Variants in ZNF276 observed in about 807,000 individuals in gnomAD.
ZNF276 encodes the protein centromere protein Z.
ZNF276 carries 59 observed loss-of-function variants against 63.9 expected under a neutral mutation model. The ratio of observed to expected loss-of-function variants is 0.92; its 90% confidence interval spans 0.75 to 1.15. ZNF276 has a LOEUF of 1.15. ZNF276 is among the 50% of genes most tolerant of loss of function. The pLI is 0.00. For synonymous variants in ZNF276, 496 were observed against 348.4 expected (o/e 1.42, Z -4.72); for missense variants, 1,084 against 843.8 (o/e 1.28, Z -3.53).
intron 6 of ZNF276, among the ~76,000 whole-genome samples, chr16:89,730,299 G>A (rs1003422343): frequency 1.3e-5 from 2 of 152,140 alleles, no homozygotes; most frequent in South Asian, 4.1e-4. Flanking sequence ...GTCATGGCTG[G>A]GAGTGCCGCC....
chr16:89,739,418 G>C lies in ZNF276; in HGVS notation c.*1172G>C. ...TTCCCATCTGGCGGGACCCAGAGGT[G>C]CTGAGATGGGGGTCTGGGAAACACT... On this transcript the variant is annotated 3_prime_UTR_variant, in exon 11 of 11. Transcript: ENST00000443381. 1 of 1,553,694 alleles carries C rather than the reference G, an allele frequency of 6.4e-7. No individual in the cohort carries two copies. Among genetic ancestry groups the C allele is most frequent in the Non-Finnish European group, 8.7e-7 (1 of 1,145,546 alleles).
rs768765651 is a variant in ZNF276, at chr16:89,739,098, G to GCTCCCCTGGAGGTGGGAC, written c.*853_*870dup. The GCTCCCCTGGAGGTGGGAC allele has an allele frequency of 1.2e-6, 2 of 1,613,860 alleles. No individual in the cohort carries two copies. The highest frequency in any genetic ancestry group is 1.7e-6 in the Non-Finnish European group (2 of 1,179,866). On this transcript the variant is annotated 3_prime_UTR_variant, in exon 11 of 11. Transcript: ENST00000443381. ...CAGAAGGAGCCTCCGGCTGGGGGGAGCTCCCCTGGAGGTGGGACTGGCCCT... is the reference window on the plus strand; with the variant it reads ...CAGAAGGAGCCTCCGGCTGGGGGGAGCTCCCCTGGAGGTGGGACCTCCCCTGGAGGTGGGACTGGCCCT...
chr16:89,739,038 C>T lies in ZNF276; in HGVS notation c.*792C>T. ...TACAGAAACAGGGCTGGTGTGTCCC[C>T]CATAGTCTGCATGCTGTGCCGGAAC... On this transcript the variant is annotated 3_prime_UTR_variant, in exon 11 of 11. Coordinates refer to ENST00000443381, the MANE Select transcript of ZNF276 (RefSeq NM_001113525.2). 6.2e-7 allele frequency: 1 copy of T among 1,614,034 alleles called. No homozygotes were observed. Among genetic ancestry groups the T allele is most frequent in the Non-Finnish European group, 8.5e-7 (1 of 1,179,940 alleles).
In ZNF276 at chr16:89,739,704, A is replaced by C; in HGVS notation, c.*1458A>C. On this transcript the variant is annotated 3_prime_UTR_variant, in exon 11 of 11. Coordinates refer to ENST00000443381, the MANE Select transcript of ZNF276 (RefSeq NM_001113525.2). ...CAGCCTGAGCTGAGGATACCCAGGT[A>C]CCTGTCAGCAGCTGGGAGAGGATGG... 1 of 1,500,994 alleles carries C rather than the reference A, an allele frequency of 6.7e-7. No homozygotes were observed. Among genetic ancestry groups the C allele is most frequent in the African/African-American group, 1.4e-5 (1 of 72,330 alleles). 93.0% of individuals were successfully genotyped at this position (1,500,994 alleles called of 1,614,324 possible).
rs538139633 is a variant in ZNF276, at chr16:89,739,031, G to A, written c.*785G>A. On this transcript the variant is annotated 3_prime_UTR_variant, in exon 11 of 11. Transcript: ENST00000443381. Reference sequence around the variant, plus strand: ...GAAGACATACAGAAACAGGGCTGGTGTGTCCCCCATAGTCTGCATGCTGTG... The same window carrying A: ...GAAGACATACAGAAACAGGGCTGGTATGTCCCCCATAGTCTGCATGCTGTG... 2 of 1,614,108 alleles carry A rather than the reference G, an allele frequency of 1.2e-6. No homozygotes were observed. The highest frequency in any genetic ancestry group is 4.5e-5 in the East Asian group (2 of 44,886).
chr16:89,734,085 C>G, intron 9 of ZNF276, 47 bp downstream of exon 9: 2 of 1,567,562 alleles, frequency 1.3e-6, no homozygotes, highest in Non-Finnish European at 8.8e-7. Context: ...GCCAGGGGCA[C>G]GTGACCTGCT....
chr16:89,733,765 A>C (rs568907278), intron 8 of ZNF276, among the ~76,000 whole-genome samples, 156 bp from the exon 9 acceptor site: 1 of 152,100 alleles, frequency 6.6e-6, no homozygotes, highest in African/African-American at 2.4e-5. Context: ...CGGGGGGTCT[A>C]GAAGTTTCTT....
chr16:89,733,523 G>C lies in ZNF276; in HGVS notation c.1322G>C (p.Cys441Ser), dbSNP rs1214923743. Reference protein sequence around the residue: ...PTIYKCPYQGCTAVYRGADGM... With the variant: ...PTIYKCPYQGSTAVYRGADGM... Reference sequence around the variant, plus strand: ...ATCTACAAGTGTCCTTACCAGGGCTGCACGGCCGTGTACCGAGGCGCTGAC... The same window carrying C: ...ATCTACAAGTGTCCTTACCAGGGCTCCACGGCCGTGTACCGAGGCGCTGAC... The change falls in exon 8 of 11, where the codon TGC becomes TCC. Residue 441 changes from cysteine (C) to serine (S), a missense_variant. Cys to Ser is a moderately radical substitution (Grantham distance 112, BLOSUM62 -1). Transcript: ENST00000443381. 6.2e-7 allele frequency: 1 copy of C among 1,614,156 alleles called. No homozygotes were observed. Among genetic ancestry groups the C allele is most frequent in the Non-Finnish European group, 8.5e-7 (1 of 1,180,038 alleles).
intron 6 of ZNF276, chr16:89,732,537 C>A (rs1459333621): frequency 6.3e-6 from 1 of 157,752 alleles, no homozygotes; most frequent in Non-Finnish European, 1.4e-5. Context: ...CCTGTTCTGC[C>A]GTCCTGATAC....
intron 4 of ZNF276, among the ~76,000 whole-genome samples, chr16:89,724,864 C>T (rs77771970): frequency 0.027 from 4,133 of 152,290 alleles, 203 homozygotes; most frequent in African/African-American, 0.094. Flanking sequence ...TTGTCTCTCT[C>T]TATCTACCTA....
In ZNF276 at chr16:89,721,819, CG is replaced by C. The variant is rs1189208727; in HGVS notation, c.182del (p.Gly61AlafsTer128). The C allele has an allele frequency of 8.2e-7, 1 of 1,225,678 alleles. No individual in the cohort carries two copies. The highest frequency in any genetic ancestry group is 1.0e-6 in the Non-Finnish European group (1 of 984,530). The allele number at this position is 1,225,678 out of a possible 1,614,324, so 75.9% of individuals were successfully genotyped here. On this transcript the variant is annotated frameshift_variant, in exon 1 of 11. Coordinates refer to ENST00000443381, the MANE Select transcript of ZNF276 (RefSeq NM_001113525.2). LOFTEE classifies it high-confidence loss of function. ...AWGPVGSCGD[A>X]GEDGADEAGA... ...GGCCCGGTGGGGTCCTGCGGGGACGCGGGCGAGGACGGCGCGGACGAGGCAG... is the reference window on the plus strand; with the variant it reads ...GGCCCGGTGGGGTCCTGCGGGGACGCGGCGAGGACGGCGCGGACGAGGCAG...
Position 89,723,332 on chromosome 16 carries a change from G to A in ZNF276, c.629G>A (p.Cys210Tyr). 1 of 1,613,002 alleles carries A rather than the reference G, an allele frequency of 6.2e-7. No individual in the cohort carries two copies. Among genetic ancestry groups the A allele is most frequent in the Non-Finnish European group, 8.5e-7 (1 of 1,180,034 alleles). ...TGGGTGCATGGACATGCGGCCAGCT[G>A]CGGGGCCCTGCCCCACCTTCAGAGG... ...VGWVHGHAAS[C>Y]GALPHLQRTL... Residue 210 changes from cysteine (C) to tyrosine (Y), a missense_variant, in exon 4 of 11, where the codon TGC (cysteine) becomes TAC (tyrosine). Physicochemically the swap from Cys to Tyr is radical, Grantham distance 194. Coordinates refer to ENST00000443381, the MANE Select transcript of ZNF276 (RefSeq NM_001113525.2).
In ZNF276 at chr16:89,729,353, C is replaced by T. The variant is rs371973152; in HGVS notation, c.1169+35C>T. On this transcript the variant is annotated intron_variant, in intron 6 of 10. Transcript: ENST00000443381. ...CAGCCCGGGGTCTGCTGGAGGCATC[C>T]GTTGGGCGACCTAGACACCCGCCTG... 723 of 1,596,500 alleles carry T rather than the reference C, an allele frequency of 4.5e-4. 1 individual carries two copies. Among genetic ancestry groups the T allele is most frequent in the Non-Finnish European group, 5.6e-4 (658 of 1,164,730 alleles).
rs1235881790 is a variant in ZNF276, at chr16:89,738,676, C to T, written c.*430C>T. 1.2e-6 allele frequency: 2 copies of T among 1,613,930 alleles called. No homozygotes were observed. Among genetic ancestry groups the T allele is most frequent in the Non-Finnish European group, 1.7e-6 (2 of 1,180,024 alleles). On this transcript the variant is annotated 3_prime_UTR_variant, in exon 11 of 11. Coordinates refer to ENST00000443381, the MANE Select transcript of ZNF276 (RefSeq NM_001113525.2). ...GTCTGCTCTGGAGGGCGGCGCTCAC[C>T]TCTGGGTCGCAGTCCCCACGATCAG... is the stretch of plus-strand genomic sequence containing the variant.
intron 5 of ZNF276, 107 bp from the exon 6 acceptor site, chr16:89,729,128 A>T: frequency 1.1e-6 from 1 of 893,486 alleles, no homozygotes; most frequent in Non-Finnish European, 1.8e-6. Context: ...AGAAGAACTC[A>T]AATGTGGGAC....
chr16:89,721,902 A>G, intron 1 of ZNF276, 57 bp downstream of exon 1: 1 of 1,137,928 alleles, frequency 8.8e-7, no homozygotes, highest in Non-Finnish European at 1.1e-6. Flanking sequence ...TGCTCGTGGG[A>G]GGAGCCGCAC....
Position 89,721,547 on chromosome 16 carries a change from G to T in ZNF276, c.-94G>T. 1 of 1,263,796 alleles carries T rather than the reference G, an allele frequency of 7.9e-7. No homozygotes were observed. The highest frequency in any genetic ancestry group is 1.0e-6 in the Non-Finnish European group (1 of 957,858). 78.3% of individuals were successfully genotyped at this position (1,263,796 alleles called of 1,614,324 possible). A position where few individuals can be genotyped will look rare whatever the true frequency, so the allele number is the denominator to read the frequency against. On this transcript the variant is annotated 5_prime_UTR_variant, in exon 1 of 11. Transcript: ENST00000443381. The stretch of plus-strand genomic sequence containing the variant: ...CTCCGCCCCTCCCCCGCCCCGCCTC[G>T]CTTCCAGCGCGCCGAGCGGAGCCTA...
chr16:89,726,422 C>T lies in ZNF276; in HGVS notation c.1007-857C>T, dbSNP rs189629325. 1.8e-3 allele frequency among the ~76,000 whole-genome samples: 272 copies of T among 152,224 alleles called. 2 individuals carry two copies. The highest frequency in any genetic ancestry group is 6.3e-3 in the African/African-American group (261 of 41,540). ...ATGTTGGTAAGGCTGGTCTCGACCT[C>T]CCGACTTCAGGTGATCCGCCCACCC... On this transcript the variant is annotated intron_variant, in intron 4 of 10. Coordinates refer to ENST00000443381, the MANE Select transcript of ZNF276 (RefSeq NM_001113525.2).
Position 89,740,009 on chromosome 16 carries a change from G to C in ZNF276, c.*1763G>C, listed in dbSNP as rs763626782. On this transcript the variant is annotated 3_prime_UTR_variant, in exon 11 of 11. Transcript: ENST00000443381. ...TGTTTCTTACCACTCTCTGTCAACT[G>C]AAAGAGTGCCAGCCAGGATATCTTC... The C allele has an allele frequency of 6.2e-7, 1 of 1,614,082 alleles. No individual in the cohort carries two copies. The highest frequency in any genetic ancestry group is 1.3e-5 in the African/African-American group (1 of 74,940).
Sources: gnomAD v4.1 joint callset for allele counts (sites outside exome capture counted in the v4.1 genomes callset) on GRCh38, gnomAD v4.1.1 for gene constraint, MANE v1.5 for transcripts, NCBI Gene and HGNC (gene_info 2026-07-23, HGNC 2026-07-21) for gene names.